The following CUL3 variants were observed in gnomAD, a reference collection of about 807,000 sequenced individuals.
CUL3 encodes the protein cullin 3, also known as cullin-3.
Under a neutral mutation model 89.1 loss-of-function variants are expected in CUL3, and 19 were observed. The observed-to-expected ratio is 0.21, with a 90% CI of 0.15 to 0.31. The LOEUF (loss-of-function observed/expected upper bound fraction) is 0.31. Ranked by LOEUF, CUL3 falls within the 10% of genes least tolerant of loss-of-function variation. The probability of loss-of-function intolerance (pLI) is 1.00; values close to 1 mark genes in which losing one functional copy is unlikely to be tolerated. For missense variants in CUL3, 469 were observed against 942.3 expected (o/e 0.50, Z 6.58); for synonymous variants, 351 against 308.4 (o/e 1.14, Z -1.45).
chr2:224,528,417 G>C (rs565265716), intron 3 of CUL3, among the ~76,000 whole-genome samples: 3 of 152,280 alleles, frequency 2.0e-5, no homozygotes, highest in Non-Finnish European at 4.4e-5. Context: ...CAGGGGAACA[G>C]CCCAGGATAA....
chr2:224,567,142 C>T (rs1010430889), intron 1 of CUL3, among the ~76,000 whole-genome samples: 1 of 152,136 alleles, frequency 6.6e-6, no homozygotes, highest in Non-Finnish European at 1.5e-5. Flanking sequence ...GTGAAAACCG[C>T]AAAAGAAAAC....
At chr2:224,584,281 C>G (rs1249476907) in intron 1 of CUL3, among the ~76,000 whole-genome samples, 3 of 78,614 alleles carry the variant, frequency 3.8e-5, no homozygotes, top group Non-Finnish European at 9.8e-5. Flanking sequence ...TCTGTTGCTT[C>G]CCCCCCACCC....
chr2:224,541,151 C>T (rs73996418), intron 2 of CUL3, among the ~76,000 whole-genome samples: 4,162 of 150,688 alleles, frequency 0.028, 186 homozygotes, highest in African/African-American at 0.096. Context: ...CTGTAGACAC[C>T]ACTGAGACAG....
rs2106264366 is a variant in CUL3 at position 224,535,586 on chromosome 2, T to C, written c.320A>G (p.Gln107Arg). The change falls in exon 3 of 16, where the codon CAA (glutamine) becomes CGA (arginine). Residue 107 changes from glutamine to arginine, a missense_variant. Gln to Arg is a conservative substitution (Grantham distance 43, BLOSUM62 1). Coordinates refer to ENST00000264414, the MANE Select transcript of CUL3 (RefSeq NM_003590.5). Reference sequence around the variant, plus strand: ...AGCTGTTTGATGATCATTCCAAGCTTGATTTAGCGTTTGAAGAAAGTTGTT... The same window carrying C: ...AGCTGTTTGATGATCATTCCAAGCTCGATTTAGCGTTTGAAGAAAGTTGTT... ...LNNNFLQTLN[Q>R]AWNDHQTAMV... 1 of 1,612,780 alleles carries C rather than the reference T, an allele frequency of 6.2e-7. No individual in the cohort carries two copies. The highest frequency in any genetic ancestry group is 1.1e-5 in the South Asian group (1 of 90,856).
At chr2:224,509,437 A>G (rs1198013268) in intron 6 of CUL3, among the ~76,000 whole-genome samples, 2 of 152,178 alleles carry the variant, frequency 1.3e-5, no homozygotes, top group East Asian at 3.8e-4. Flanking sequence ...GGTTGGTCTT[A>G]AACTCCTGAG....
chr2:224,516,962 A>G (rs546654610), intron 3 of CUL3, among the ~76,000 whole-genome samples: 51 of 152,210 alleles, frequency 3.4e-4, no homozygotes, highest in Admixed American at 3.3e-3. Flanking sequence ...TTCATCTCAC[A>G]TGACCTCCAG....
chr2:224,510,299 GT>G (rs66793446), intron 6 of CUL3, among the ~76,000 whole-genome samples: 21 of 115,302 alleles, frequency 1.8e-4, no homozygotes, highest in Admixed American at 3.5e-4. Context: ...AGTTTTTTTT[GT>G]TTTTTTTTTG....
In CUL3 at chr2:224,563,927, G is replaced by A. The variant is rs149594821; in HGVS notation, c.67-6071C>T. ...ATAAAGTGCTTCCTTTAAGTGAAAAGGTGAAAGTTCTCTACTTAATAAGGA... is the reference window on the plus strand; with the variant it reads ...ATAAAGTGCTTCCTTTAAGTGAAAAAGTGAAAGTTCTCTACTTAATAAGGA... On this transcript the variant is annotated intron_variant, in intron 1 of 15. Coordinates refer to ENST00000264414, the MANE Select transcript of CUL3 (RefSeq NM_003590.5). 1.5e-3 allele frequency among the ~76,000 whole-genome samples: 226 copies of A among 152,220 alleles called. 1 individual carries two copies. The highest frequency in any genetic ancestry group is 5.2e-3 in the African/African-American group (214 of 41,522).
At chr2:224,481,832 T>C in intron 14 of CUL3, 60 bp downstream of exon 14, 1 of 1,203,402 alleles carries the variant, frequency 8.3e-7, no homozygotes, top group South Asian at 2.1e-5. Context: ...ATAGATGAGA[T>C]TTTTTTTCTA....
intron 1 of CUL3, among the ~76,000 whole-genome samples, chr2:224,561,343 G>C (rs1056344263): frequency 6.6e-6 from 1 of 152,186 alleles, no homozygotes; most frequent in Non-Finnish European, 1.5e-5. Flanking sequence ...ACATTGATCA[G>C]CTTCACACAA....
intron 1 of CUL3, among the ~76,000 whole-genome samples, chr2:224,582,379 T>C (rs1272136804): frequency 1.3e-5 from 2 of 152,218 alleles, no homozygotes; most frequent in East Asian, 1.9e-4. Flanking sequence ...TGAAGGTCTA[T>C]AAGCACACGG....
At chr2:224,583,628 C>T (rs1695495479) in intron 1 of CUL3, among the ~76,000 whole-genome samples, 1 of 152,200 alleles carries the variant, frequency 6.6e-6, no homozygotes, top group Non-Finnish European at 1.5e-5. Context: ...TAAATTCCAT[C>T]GTACCTATTT....
chr2:224,522,287 TA>T (rs1255874316), intron 3 of CUL3, among the ~76,000 whole-genome samples: 3 of 152,102 alleles, frequency 2.0e-5, no homozygotes, highest in Non-Finnish European at 4.4e-5. Context: ...AGAAAAGTAG[TA>T]AAAAGTTTCT....
At chr2:224,569,023 C>T (rs1472030087) in intron 1 of CUL3, among the ~76,000 whole-genome samples, 2 of 152,126 alleles carry the variant, frequency 1.3e-5, no homozygotes, top group Non-Finnish European at 2.9e-5. Context: ...AATATGTTAA[C>T]AATAAAAACT....
intron 13 of CUL3, chr2:224,494,976 G>C (rs540085975): frequency 1.3e-5 from 2 of 151,750 alleles, no homozygotes; most frequent in Non-Finnish European, 2.9e-5. Context: ...AAAATACTCA[G>C]AGCACATATA....
At chr2:224,491,378 C>T (rs1041335270) in intron 13 of CUL3, among the ~76,000 whole-genome samples, 3 of 152,064 alleles carry the variant, frequency 2.0e-5, no homozygotes, top group Non-Finnish European at 4.4e-5. Context: ...ATAAAACATC[C>T]TTTTCTTCAT....
chr2:224,558,857 A>ATGGTGAAACC (rs1254831126), intron 1 of CUL3, among the ~76,000 whole-genome samples: 5 of 56,390 alleles, frequency 8.9e-5, no homozygotes, highest in African/African-American at 1.4e-4. Context: ...CCTGGCTAAT[A>ATGGTGAAACC]CGGTCTCTAC....
chr2:224,559,487 T>C (rs1212952007), intron 1 of CUL3, among the ~76,000 whole-genome samples: 4 of 151,348 alleles, frequency 2.6e-5, no homozygotes, highest in Non-Finnish European at 5.9e-5. Context: ...CAGTTTCCTA[T>C]GTCAAAAACA....
intron 2 of CUL3, among the ~76,000 whole-genome samples, chr2:224,548,415 C>G (rs1694385439): frequency 6.6e-6 from 1 of 152,154 alleles, no homozygotes; most frequent in Non-Finnish European, 1.5e-5. Flanking sequence ...GATAGAAAAA[C>G]TTTGAAAACC....
Sources: gnomAD v4.1 joint callset for allele counts (sites outside exome capture counted in the v4.1 genomes callset) on GRCh38, gnomAD v4.1.1 for gene constraint, MANE v1.5 for transcripts, NCBI Gene and HGNC (gene_info 2026-07-23, HGNC 2026-07-21) for gene names.